ABCA13: variants seen among roughly 807,000 people sequenced by gnomAD.
The protein encoded by ABCA13 is ATP-binding cassette sub-family A member 13.
ABCA13 carries 476 observed loss-of-function variants against 478.7 expected under a neutral mutation model. The ratio of observed to expected loss-of-function variants is 0.99; its 90% CI spans 0.92 to 1.07. ABCA13 has a LOEUF of 1.07. ABCA13 is among the 50% of genes least tolerant of loss of function. The probability of loss-of-function intolerance (pLI) is 0.00; values close to 1 mark genes in which losing one functional copy is unlikely to be tolerated. For synonymous variants in ABCA13, 2,252 were observed against 2,158.9 expected (o/e 1.04, Z -1.20); for missense variants, 6,060 against 5,910.6 (o/e 1.03, Z -0.83).
intron 1 of ABCA13, among the ~76,000 whole-genome samples, chr7:48,173,593 C>T (rs2128845714): frequency 6.6e-6 from 1 of 152,244 alleles, no homozygotes; most frequent in Middle Eastern, 3.4e-3. Context: ...CTATAGATGT[C>T]CCTGCACAAA....
chr7:48,209,520 T>C (rs987735927), intron 3 of ABCA13, among the ~76,000 whole-genome samples: 27 of 152,306 alleles, frequency 1.8e-4, no homozygotes, highest in Admixed American at 2.6e-4. Context: ...TGGGGGAATG[T>C]TTATTACTGT....
intron 45 of ABCA13, among the ~76,000 whole-genome samples, chr7:48,478,567 A>G (rs931633450): frequency 5.9e-5 from 9 of 152,102 alleles, no homozygotes; most frequent in Non-Finnish European, 1.2e-4. Flanking sequence ...TTACCAAAAG[A>G]ATAGGGCTTT....
chr7:48,482,052 T>TA (rs1478375087), intron 46 of ABCA13, among the ~76,000 whole-genome samples: 1 of 152,184 alleles, frequency 6.6e-6, no homozygotes, highest in Non-Finnish European at 1.5e-5. Context: ...TATATTTTTT[T>TA]AAATGTTAAC....
chr7:48,442,621 A>G (rs1345760471), intron 42 of ABCA13, among the ~76,000 whole-genome samples: 3 of 152,238 alleles, frequency 2.0e-5, no homozygotes. Flanking sequence ...TGAATTAACT[A>G]GTCAGCTTCC....
chr7:48,387,512 A>G (rs1042823057), intron 35 of ABCA13, among the ~76,000 whole-genome samples: 2 of 152,116 alleles, frequency 1.3e-5, no homozygotes, highest in African/African-American at 2.4e-5. Context: ...GCAGGGTGGG[A>G]CTTTACTCTG....
intron 15 of ABCA13, among the ~76,000 whole-genome samples, chr7:48,254,607 T>G (rs1562889330): frequency 6.6e-6 from 1 of 152,056 alleles, no homozygotes; most frequent in Non-Finnish European, 1.5e-5. Context: ...TCTGCATGAT[T>G]TTTTTTTCCT....
At chr7:48,224,557 G>T (rs1269733683) in intron 5 of ABCA13, among the ~76,000 whole-genome samples, 2 of 152,126 alleles carry the variant, frequency 1.3e-5, no homozygotes, top group African/African-American at 4.8e-5. Context: ...CCATTTTGAA[G>T]TGAGTGAAAA....
In ABCA13 at chr7:48,229,924, A is replaced by G; in HGVS notation, c.732A>G (p.Thr244=). 6.2e-7 allele frequency: 1 copy of G among 1,614,002 alleles called. No homozygotes were observed. Among genetic ancestry groups the G allele is most frequent in the South Asian group, 1.1e-5 (1 of 91,076 alleles). Residue 244 remains threonine (T), a synonymous_variant, in exon 7 of 62, where the codon ACA becomes ACG. Transcript: ENST00000435803. ...TGAATGTGACCATTTCGACACTGAC[A>G]TTTCTGCAGCAACATGGAGTAGCAG... ...LVLNVTISTL[T]FLQQHGVAVT...
intron 59 of ABCA13, among the ~76,000 whole-genome samples, chr7:48,633,352 T>C (rs1794313934): frequency 6.6e-6 from 1 of 152,090 alleles, no homozygotes; most frequent in African/African-American, 2.4e-5. Flanking sequence ...ACTGACAGCA[T>C]TAGACAGATA....
intron 54 of ABCA13, among the ~76,000 whole-genome samples, chr7:48,526,028 G>C (rs1231269474): frequency 6.6e-6 from 1 of 152,078 alleles, no homozygotes; most frequent in Non-Finnish European, 1.5e-5. Flanking sequence ...TGTGGGGCAG[G>C]ACCCTCTCTG....
intron 17 of ABCA13, 30 bp from the exon 18 acceptor site, chr7:48,278,064 T>C (rs1406663119): frequency 6.3e-6 from 5 of 793,998 alleles, no homozygotes; most frequent in Non-Finnish European, 8.4e-6. Flanking sequence ...AAAAATTAAA[T>C]TAAAAGTATA....
intron 59 of ABCA13, among the ~76,000 whole-genome samples, chr7:48,631,563 G>A (rs1794169834): frequency 6.6e-6 from 1 of 152,026 alleles, no homozygotes; most frequent in Non-Finnish European, 1.5e-5. Flanking sequence ...TAGCCTTATA[G>A]CATAGTTTGA....
rs148242168 is a variant in ABCA13 at position 48,319,067 on chromosome 7, G to A, written c.9999+1771G>A. Among the ~76,000 whole-genome samples the A allele has an allele frequency of 5.0e-3, 759 of 152,244 alleles. 8 individuals are homozygous for A. Among genetic ancestry groups the A allele is most frequent in the Non-Finnish European group, 5.7e-3 (390 of 68,028 alleles). ...GAGGCACAGGCTGTGGGGGGCAGCTGGTCTCCCTGGAAAGAAAGATTGGGC... is the reference window on the plus strand; with the variant it reads ...GAGGCACAGGCTGTGGGGGGCAGCTAGTCTCCCTGGAAAGAAAGATTGGGC... On this transcript the variant is annotated intron_variant, in intron 27 of 61. Transcript: ENST00000435803.
intron 1 of ABCA13, among the ~76,000 whole-genome samples, chr7:48,179,455 G>T (rs1477739799): frequency 6.6e-6 from 1 of 152,176 alleles, no homozygotes; most frequent in African/African-American, 2.4e-5. Context: ...AAGCCAGAGA[G>T]TTCCCCTGAG....
At chr7:48,512,183 GA>G (rs1224421205) in intron 51 of ABCA13, among the ~76,000 whole-genome samples, 4 of 152,092 alleles carry the variant, frequency 2.6e-5, no homozygotes, top group Middle Eastern at 3.4e-3. Context: ...ACTTTTGGGG[GA>G]ACATTGATAT....
intron 60 of ABCA13, 112 bp from the exon 61 acceptor site, chr7:48,644,505 G>C: frequency 1.7e-6 from 2 of 1,148,170 alleles, no homozygotes; most frequent in Non-Finnish European, 2.4e-6. Context: ...AAAATTAAGT[G>C]TAGGTTGAGA....
At chr7:48,336,959 C>T (rs962526981) in intron 28 of ABCA13, among the ~76,000 whole-genome samples, 1 of 152,154 alleles carries the variant, frequency 6.6e-6, no homozygotes. Flanking sequence ...TCTAGGAGAA[C>T]ATAAAACAGT....
At chr7:48,223,543 G>A (rs1005535867) in intron 5 of ABCA13, among the ~76,000 whole-genome samples, 1 of 152,130 alleles carries the variant, frequency 6.6e-6, no homozygotes, top group African/African-American at 2.4e-5. Context: ...GATTGATCAT[G>A]TAAGAAGAGG....
intron 1 of ABCA13, among the ~76,000 whole-genome samples, chr7:48,184,619 A>G (rs995331546): frequency 2.0e-5 from 3 of 152,088 alleles, no homozygotes; most frequent in African/African-American, 7.2e-5. Context: ...ATGGAGTTCA[A>G]GTCCAGCCTG....
Sources: gnomAD v4.1 joint callset for allele counts (sites outside exome capture counted in the v4.1 genomes callset) on GRCh38, gnomAD v4.1.1 for gene constraint, MANE v1.5 for transcripts, NCBI Gene and HGNC (gene_info 2026-07-23, HGNC 2026-07-21) for gene names.